LAMA4: variants seen among roughly 807,000 people sequenced by gnomAD.
The protein encoded by LAMA4 is laminin subunit alpha-4.
A neutral mutation model predicts 207.1 loss-of-function variants in LAMA4; 127 were observed. The ratio of observed to expected loss-of-function variants is 0.61; its 90% CI spans 0.53 to 0.71. LAMA4 has a LOEUF of 0.71. Ranked by LOEUF, LAMA4 falls within the 30% of genes least tolerant of loss-of-function variation. The probability of loss-of-function intolerance (pLI) is 0.00; values close to 1 mark genes in which losing one functional copy is unlikely to be tolerated. For missense variants in LAMA4, 2,093 were observed against 2,246.5 expected (o/e 0.93, Z 1.38); for synonymous variants, 761 against 816.0 (o/e 0.93, Z 1.15).
intron 33 of LAMA4, 121 bp from the exon 34 acceptor site, chr6:112,119,432 T>C: frequency 9.3e-7 from 1 of 1,078,528 alleles, no homozygotes; most frequent in South Asian, 1.3e-5. Flanking sequence ...AGAAAGTTTA[T>C]TTTTAAAATG....
chr6:112,214,610 G>C (rs1419365640), intron 3 of LAMA4, among the ~76,000 whole-genome samples: 1 of 152,190 alleles, frequency 6.6e-6, no homozygotes, highest in South Asian at 2.1e-4. Flanking sequence ...TCTCCGGACA[G>C]GATGAGGTGG....
intron 14 of LAMA4, among the ~76,000 whole-genome samples, chr6:112,156,943 A>C (rs1257395997): frequency 6.6e-6 from 1 of 151,424 alleles, no homozygotes; most frequent in African/African-American, 2.4e-5. Flanking sequence ...TTTCAATCAG[A>C]AGGAAAAAAT....
chr6:112,212,568 G>T (rs1784412496), intron 3 of LAMA4, among the ~76,000 whole-genome samples: 1 of 152,154 alleles, frequency 6.6e-6, no homozygotes, highest in Non-Finnish European at 1.5e-5. Flanking sequence ...AGCAACAGGG[G>T]ACTCCATTGA....
chr6:112,172,324 A>ATG (rs1781762903), intron 12 of LAMA4: 3 of 380,776 alleles, frequency 7.9e-6, no homozygotes, highest in Non-Finnish European at 1.5e-5. Context: ...AAAAAAAGCT[A>ATG]TGCATTGCTT....
intron 9 of LAMA4, 163 bp from the exon 10 acceptor site, chr6:112,178,395 G>A: frequency 1.6e-6 from 1 of 643,194 alleles, no homozygotes. Flanking sequence ...ATGCATGAAA[G>A]GTAATGTGAT....
intron 9 of LAMA4, among the ~76,000 whole-genome samples, chr6:112,184,731 C>A (rs76539419): frequency 1.3e-5 from 2 of 152,118 alleles, no homozygotes; most frequent in African/African-American, 4.8e-5. Context: ...ACTCTTTAAA[C>A]GGGCTAATTT....
intron 2 of LAMA4, among the ~76,000 whole-genome samples, chr6:112,227,762 G>A (rs145369539): frequency 1.6e-3 from 236 of 149,120 alleles, no homozygotes; most frequent in African/African-American, 5.9e-3. Flanking sequence ...ACACATATCT[G>A]TCTTAGTTAA....
chr6:112,203,571 G>C (rs9398301), intron 4 of LAMA4, among the ~76,000 whole-genome samples: 67,431 of 152,010 alleles, frequency 0.44, 16,004 homozygotes, highest in Admixed American at 0.51. Flanking sequence ...CAGATCAAAG[G>C]TTAGAACTTT....
chr6:112,154,254 G>A (rs1780562559), intron 16 of LAMA4, among the ~76,000 whole-genome samples: 1 of 150,958 alleles, frequency 6.6e-6, no homozygotes, highest in East Asian at 2.0e-4. Context: ...ACCCTTGGAT[G>A]TGCACACTTC....
chr6:112,175,303 A>G lies in LAMA4; in HGVS notation c.1357+10T>C. On this transcript the variant is annotated intron_variant, in intron 11 of 38. Transcript: ENST00000230538. ...ATGTGCTGGGTCAGCTATGAGAGGAATACACCTACGTTCGTAAGCCTCATC... is the reference window on the plus strand; with the variant it reads ...ATGTGCTGGGTCAGCTATGAGAGGAGTACACCTACGTTCGTAAGCCTCATC... 2 of 1,613,598 alleles carry G rather than the reference A, an allele frequency of 1.2e-6. No homozygotes were observed. The highest frequency in any genetic ancestry group is 2.2e-5 in the East Asian group (1 of 44,884).
At chr6:112,156,778 CTCCAGCA>C (rs1268114960) in intron 14 of LAMA4, among the ~76,000 whole-genome samples, 1 of 152,158 alleles carries the variant, frequency 6.6e-6, no homozygotes, top group Non-Finnish European at 1.5e-5. Flanking sequence ...GTTCCTCAAT[CTCCAGCA>C]TCCAGTTCCA....
intron 13 of LAMA4, chr6:112,159,167 G>A: frequency 2.7e-6 from 1 of 376,930 alleles, no homozygotes; most frequent in South Asian, 2.7e-5. Flanking sequence ...ATCCACACAT[G>A]TCCCTAATGT....
At chr6:112,128,436 G>A (rs1778828986) in intron 31 of LAMA4, among the ~76,000 whole-genome samples, 1 of 152,128 alleles carries the variant, frequency 6.6e-6, no homozygotes, top group Non-Finnish European at 1.5e-5. Flanking sequence ...GGGCAGCGGC[G>A]GGAGGAGGAT....
At chr6:112,142,368 G>A (rs574700573) in intron 19 of LAMA4, 76 bp from the exon 20 acceptor site, 7 of 1,331,036 alleles carry the variant, frequency 5.3e-6, no homozygotes, top group East Asian at 4.6e-5. Context: ...TCCCTCATTC[G>A]TGACAGGGGC....
intron 2 of LAMA4, chr6:112,219,002 G>C (rs1466038550): frequency 2.0e-5 from 3 of 152,260 alleles, no homozygotes; most frequent in Non-Finnish European, 4.4e-5. Context: ...GGACTCCCTG[G>C]AATGGAGTTT....
chr6:112,220,524 ATGT>A (rs1197737967), intron 2 of LAMA4, among the ~76,000 whole-genome samples: 30 of 152,166 alleles, frequency 2.0e-4, no homozygotes, highest in Non-Finnish European at 3.7e-4. Flanking sequence ...ATGACAGGAC[ATGT>A]TGTTATCACT....
At chr6:112,200,756 G>A (rs1387812943) in intron 5 of LAMA4, among the ~76,000 whole-genome samples, 24 of 152,192 alleles carry the variant, frequency 1.6e-4, no homozygotes, top group African/African-American at 4.3e-4. Flanking sequence ...GCTGGAAACC[G>A]TCATTCTTAA....
intron 2 of LAMA4, among the ~76,000 whole-genome samples, chr6:112,223,844 T>C (rs1245794086): frequency 1.3e-5 from 2 of 152,250 alleles, no homozygotes; most frequent in Non-Finnish European, 2.9e-5. Context: ...AAAATAAATG[T>C]ATCCCAAACT....
chr6:112,176,853 C>T (rs1046147768), intron 10 of LAMA4, among the ~76,000 whole-genome samples: 2 of 152,190 alleles, frequency 1.3e-5, no homozygotes, highest in Non-Finnish European at 2.9e-5. Flanking sequence ...TTATTGTTTC[C>T]CATTTACATT....
Sources: allele counts gnomAD v4.1 joint callset (sites outside exome capture counted in the v4.1 genomes callset), GRCh38; gene constraint gnomAD v4.1.1; transcripts MANE v1.5; gene names NCBI Gene and HGNC (gene_info 2026-07-23, HGNC 2026-07-21).